The following SLC2A13 variants were observed in gnomAD, a reference collection of about 807,000 sequenced individuals.
SLC2A13 encodes solute carrier family 2 member 13.
Under a neutral mutation model 64.4 loss-of-function variants are expected in SLC2A13, and 32 were observed. The observed-to-expected ratio is 0.50, with a 90% CI of 0.37 to 0.67. The LOEUF is 0.67. SLC2A13 is among the 30% of genes least tolerant of loss of function. The pLI is 0.00. For missense variants in SLC2A13, 743 were observed against 829.2 expected, an observed-to-expected ratio of 0.90 and a Z score of 1.28; for synonymous variants, 338 against 327.1, an observed-to-expected ratio of 1.03 and a Z score of -0.36.
At chr12:39,854,067 A>T (rs1268328778) in intron 6 of SLC2A13, among the ~76,000 whole-genome samples, 6 of 152,008 alleles carry the variant, frequency 3.9e-5, no homozygotes, top group Non-Finnish European at 7.4e-5. Context: ...CATTTCCTAC[A>T]ATATTCACAG....
At chr12:39,789,053 C>T (rs762638546) in intron 7 of SLC2A13, among the ~76,000 whole-genome samples, 1 of 152,054 alleles carries the variant, frequency 6.6e-6, no homozygotes, top group East Asian at 1.9e-4. Flanking sequence ...TCTATGTACA[C>T]TTTAAAGAAT....
intron 4 of SLC2A13, among the ~76,000 whole-genome samples, chr12:39,918,362 C>CTTTT (rs5797644): frequency 1.4e-5 from 2 of 147,306 alleles, no homozygotes; most frequent in African/African-American, 2.5e-5. Context: ...CAGAAGTTTC[C>CTTTT]TTTTTTTTTT....
At chr12:39,763,969 T>C (rs1940255505) in intron 9 of SLC2A13, among the ~76,000 whole-genome samples, 1 of 152,098 alleles carries the variant, frequency 6.6e-6, no homozygotes, top group South Asian at 2.1e-4. Flanking sequence ...GCACAGGTGA[T>C]ACAGTGGAAG....
chr12:39,758,773 CAG>C lies in SLC2A13; in HGVS notation c.*1251_*1252del, dbSNP rs1940036802. 6.6e-6 allele frequency: 1 copy of C among 151,392 alleles called. No homozygotes were observed. The highest frequency in any genetic ancestry group is 1.5e-5 in the Non-Finnish European group (1 of 67,698). 9.4% of individuals were successfully genotyped at this position (151,392 alleles called of 1,614,324 possible). Reference sequence around the variant, plus strand: ...AACTAAGCCAAGAATAAGAAAAACACAGAGACAAATCTATGTATCTTTTTTTT... The same window carrying C: ...AACTAAGCCAAGAATAAGAAAAACACAGACAAATCTATGTATCTTTTTTTT... On this transcript the variant is annotated 3_prime_UTR_variant, in exon 10 of 10. Coordinates refer to ENST00000280871, the MANE Select transcript of SLC2A13 (RefSeq NM_052885.4).
chr12:39,869,738 T>C (rs1280670424), intron 5 of SLC2A13, among the ~76,000 whole-genome samples: 1 of 152,184 alleles, frequency 6.6e-6, no homozygotes, highest in Non-Finnish European at 1.5e-5. Context: ...AAACATGACA[T>C]AGGCCAGAAG....
At chr12:40,058,797 G>A (rs754769623) in intron 1 of SLC2A13, among the ~76,000 whole-genome samples, 3 of 152,134 alleles carry the variant, frequency 2.0e-5, no homozygotes, top group South Asian at 2.1e-4. Flanking sequence ...GCAAGATGCC[G>A]TAACTATGGC....
chr12:40,081,507 A>G (rs1938401074), intron 1 of SLC2A13, among the ~76,000 whole-genome samples: 1 of 152,134 alleles, frequency 6.6e-6, no homozygotes, highest in Non-Finnish European at 1.5e-5. Context: ...TGTATTATGA[A>G]ATTCTTGTAG....
intron 4 of SLC2A13, among the ~76,000 whole-genome samples, chr12:39,922,580 G>C (rs1477519863): frequency 6.6e-6 from 1 of 152,174 alleles, no homozygotes; most frequent in African/African-American, 2.4e-5. Flanking sequence ...AAGTCCTGAT[G>C]ACATCATTTA....
At chr12:39,832,110 C>T (rs1942868572) in intron 6 of SLC2A13, among the ~76,000 whole-genome samples, 1 of 152,068 alleles carries the variant, frequency 6.6e-6, no homozygotes, top group Non-Finnish European at 1.5e-5. Context: ...TTCAAATGTA[C>T]TGAGAGGTGA....
At chr12:39,979,443 TATAACTAGA>T (rs1483243838) in intron 3 of SLC2A13, among the ~76,000 whole-genome samples, 1 of 142,244 alleles carries the variant, frequency 7.0e-6, no homozygotes, top group Non-Finnish European at 1.6e-5. Context: ...TATAAGAATG[TATAACTAGA>T]ATAACCAATA....
chr12:39,935,778 C>A (rs1228178623), intron 4 of SLC2A13, among the ~76,000 whole-genome samples: 3 of 152,160 alleles, frequency 2.0e-5, no homozygotes, highest in African/African-American at 7.2e-5. Flanking sequence ...GAGAATGGCA[C>A]ACATGAAGGC....
At chr12:39,853,255 GT>G (rs1452483223) in intron 6 of SLC2A13, among the ~76,000 whole-genome samples, 2 of 152,068 alleles carry the variant, frequency 1.3e-5, no homozygotes, top group African/African-American at 4.8e-5. Flanking sequence ...GATATCCTTT[GT>G]GGAAAATAAA....
At chr12:39,763,057 G>T (rs866637974) in intron 9 of SLC2A13, among the ~76,000 whole-genome samples, 3 of 151,918 alleles carry the variant, frequency 2.0e-5, no homozygotes, top group African/African-American at 7.3e-5. Flanking sequence ...ATATACTTAG[G>T]TCTTCAAATA....
intron 7 of SLC2A13, among the ~76,000 whole-genome samples, chr12:39,778,002 C>T (rs1361963186): frequency 2.0e-5 from 3 of 152,154 alleles, no homozygotes; most frequent in Non-Finnish European, 4.4e-5. Flanking sequence ...CCCTGTAACA[C>T]ACGCCCACTG....
chr12:40,077,702 G>A (rs1938234254), intron 1 of SLC2A13, among the ~76,000 whole-genome samples: 1 of 152,136 alleles, frequency 6.6e-6, no homozygotes. Context: ...GATATAGGTA[G>A]TTGGGTAGAA....
At chr12:39,980,317 A>C (rs1402637000) in intron 3 of SLC2A13, among the ~76,000 whole-genome samples, 3 of 152,178 alleles carry the variant, frequency 2.0e-5, no homozygotes, top group Non-Finnish European at 4.4e-5. Flanking sequence ...AAATTCACAC[A>C]TAACAATATT....
intron 6 of SLC2A13, among the ~76,000 whole-genome samples, chr12:39,846,419 C>T (rs916019431): frequency 4.6e-5 from 7 of 152,056 alleles, no homozygotes; most frequent in Admixed American, 1.3e-4. Flanking sequence ...TTCTGCTGTC[C>T]GCTAAACCAT....
Position 40,048,188 on chromosome 12 carries a change from T to C in SLC2A13, c.579A>G (p.Pro193=), listed in dbSNP as rs778177739. ...GTGGTGAGACCTCCGCAATGTACAC[T>C]GGCACTGTCATAGAAGCAATGCCTA... ...LGIGIASMTV[P]VYIAEVSPPN... is the part of the protein sequence containing the mutation. Residue 193 remains proline (P), a synonymous_variant, in exon 2 of 10, where the codon CCA becomes CCG. Coordinates refer to ENST00000280871, the MANE Select transcript of SLC2A13 (RefSeq NM_052885.4). The C allele has an allele frequency of 5.6e-6, 9 of 1,608,448 alleles. No individual in the cohort carries two copies. In the East Asian group the frequency reaches 1.8e-4, roughly 32 times the overall value.
intron 1 of SLC2A13, among the ~76,000 whole-genome samples, chr12:40,084,930 T>G (rs1031457467): frequency 6.6e-6 from 1 of 152,124 alleles, no homozygotes; most frequent in African/African-American, 2.4e-5. Flanking sequence ...CAGGATTAGA[T>G]GGTTGGGACC....
Sources: gnomAD v4.1 joint callset for allele counts (sites outside exome capture counted in the v4.1 genomes callset) on GRCh38, gnomAD v4.1.1 for gene constraint, MANE v1.5 for transcripts, NCBI Gene and HGNC (gene_info 2026-07-23, HGNC 2026-07-21) for gene names.